CNTNAP2: variants seen among roughly 807,000 people sequenced by gnomAD.
CNTNAP2 encodes contactin associated protein 2.
A neutral mutation model predicts 155.2 loss-of-function variants in CNTNAP2; 98 were observed. The ratio of observed to expected loss-of-function variants is 0.63; its 90% CI spans 0.54 to 0.75. The LOEUF (loss-of-function observed/expected upper bound fraction) is 0.75, where lower values mean the gene tolerates loss of function less well. CNTNAP2 is among the 30% of genes least tolerant of loss of function. The pLI is 0.00. For synonymous variants in CNTNAP2, 651 were observed against 631.2 expected (o/e 1.03, Z -0.47); for missense variants, 1,727 against 1,688.1 (o/e 1.02, Z -0.40).
chr7:146,907,424 G>A (rs374027656), intron 3 of CNTNAP2, among the ~76,000 whole-genome samples: 1 of 147,256 alleles, frequency 6.8e-6, no homozygotes, highest in Non-Finnish European at 1.5e-5. Context: ...CCCTCAAAGG[G>A]AAGCCCATCA....
chr7:146,521,802 C>A (rs1040872581), intron 1 of CNTNAP2, among the ~76,000 whole-genome samples: 1 of 151,838 alleles, frequency 6.6e-6, no homozygotes, highest in Non-Finnish European at 1.5e-5. Context: ...AAGATCTGAA[C>A]CTTGATCATC....
At chr7:147,919,138 A>T (rs1800213706) in intron 14 of CNTNAP2, among the ~76,000 whole-genome samples, 1 of 152,136 alleles carries the variant, frequency 6.6e-6, no homozygotes. Context: ...ACATAAAGGC[A>T]TCCTATAGAG....
chr7:146,554,377 G>A (rs190771561), intron 1 of CNTNAP2, among the ~76,000 whole-genome samples: 172 of 152,198 alleles, frequency 1.1e-3, no homozygotes, highest in African/African-American at 3.9e-3. Context: ...AAAATATTTT[G>A]CTCCATAATA....
At chr7:146,184,347 G>A (rs1798592916) in intron 1 of CNTNAP2, among the ~76,000 whole-genome samples, 1 of 152,032 alleles carries the variant, frequency 6.6e-6, no homozygotes, top group Non-Finnish European at 1.5e-5. Flanking sequence ...GAAATGGCAG[G>A]CAGTCCATGA....
At chr7:147,422,958 CA>C (rs1157349655) in intron 10 of CNTNAP2, among the ~76,000 whole-genome samples, 4 of 152,080 alleles carry the variant, frequency 2.6e-5, no homozygotes, top group Admixed American at 2.6e-4. Context: ...AAAAAAACAA[CA>C]ACAAAATTTT....
At chr7:147,526,431 G>A (rs1195046864) in intron 11 of CNTNAP2, among the ~76,000 whole-genome samples, 1 of 152,036 alleles carries the variant, frequency 6.6e-6, no homozygotes, top group Non-Finnish European at 1.5e-5. Flanking sequence ...AGCCTGTCTG[G>A]AATATAGATA....
chr7:146,756,021 C>G (rs1301857601), intron 1 of CNTNAP2, among the ~76,000 whole-genome samples: 1 of 151,514 alleles, frequency 6.6e-6, no homozygotes, highest in Non-Finnish European at 1.5e-5. Context: ...TTGACATGCA[C>G]TCTTTTTGAG....
chr7:147,426,229 TG>T (rs1329128043), intron 10 of CNTNAP2, among the ~76,000 whole-genome samples: 1 of 152,012 alleles, frequency 6.6e-6, no homozygotes, highest in African/African-American at 2.4e-5. Context: ...AAATCTTATC[TG>T]TAAATATTCA....
At chr7:147,672,733 T>C (rs1428075155) in intron 13 of CNTNAP2, 3 of 152,184 alleles carry the variant, frequency 2.0e-5, no homozygotes, top group Non-Finnish European at 4.4e-5. Context: ...TTTTGTACTG[T>C]GTATTCACTG....
At chr7:146,810,673 T>C (rs1415209164) in intron 2 of CNTNAP2, among the ~76,000 whole-genome samples, 1 of 152,074 alleles carries the variant, frequency 6.6e-6, no homozygotes, top group Non-Finnish European at 1.5e-5. Flanking sequence ...CCATACTAGG[T>C]TGAATAGAAG....
chr7:147,055,794 A>G lies in CNTNAP2; in HGVS notation c.550+11740A>G, dbSNP rs73467054. Among the ~76,000 whole-genome samples, 1,031 of 152,174 alleles carry G rather than the reference A, an allele frequency of 6.8e-3. 12 individuals are homozygous for G. Among genetic ancestry groups the G allele is most frequent in the African/African-American group, 0.023 (975 of 41,502 alleles). ...TAGGGTAGGAGGGAACGGAAGCCCA[A>G]TACTCAAGGAGAAGTGGAATATGCC... On this transcript the variant is annotated intron_variant, in intron 4 of 23. Transcript: ENST00000361727.
intron 13 of CNTNAP2, among the ~76,000 whole-genome samples, chr7:147,820,241 T>G (rs1417018373): frequency 6.6e-6 from 1 of 152,114 alleles, no homozygotes; most frequent in Non-Finnish European, 1.5e-5. Context: ...AATTTGTATT[T>G]CCCTGATGAT....
chr7:146,210,318 A>G (rs956407114), intron 1 of CNTNAP2, among the ~76,000 whole-genome samples: 9 of 152,308 alleles, frequency 5.9e-5, no homozygotes, highest in African/African-American at 2.2e-4. Flanking sequence ...GATGTAGTAC[A>G]CAAAAGCACT....
At chr7:148,038,868 A>T (rs536866676) in intron 15 of CNTNAP2, among the ~76,000 whole-genome samples, 3 of 151,046 alleles carry the variant, frequency 2.0e-5, no homozygotes, top group Non-Finnish European at 4.4e-5. Context: ...GGATGGATGG[A>T]TGGATAGATA....
chr7:146,885,959 GTGTGTGTGTGTGTGTA>G (rs1196710907), intron 3 of CNTNAP2, among the ~76,000 whole-genome samples: 13 of 150,950 alleles, frequency 8.6e-5, no homozygotes, highest in African/African-American at 2.2e-4. Flanking sequence ...GTGTGTGTGT[GTGTGTGTGTGTGTGTA>G]TGTGCTTTCC....
intron 21 of CNTNAP2, among the ~76,000 whole-genome samples, chr7:148,331,663 A>AC (rs1798017515): frequency 1.3e-5 from 2 of 151,810 alleles, no homozygotes; most frequent in Admixed American, 6.5e-5. Context: ...GATGGAGTGG[A>AC]TGGATGGAGT....
chr7:146,682,762 T>G (rs1800526963), intron 1 of CNTNAP2, among the ~76,000 whole-genome samples: 1 of 152,218 alleles, frequency 6.6e-6, no homozygotes, highest in African/African-American at 2.4e-5. Flanking sequence ...TTTGCATTGC[T>G]AAGCAGAAAT....
At chr7:146,345,979 A>C (rs1794813077) in intron 1 of CNTNAP2, among the ~76,000 whole-genome samples, 1 of 152,118 alleles carries the variant, frequency 6.6e-6, no homozygotes, top group Non-Finnish European at 1.5e-5. Context: ...GCTTATTAAG[A>C]CCTCCGCAAA....
chr7:146,907,866 A>C (rs142483173), intron 3 of CNTNAP2, among the ~76,000 whole-genome samples: 35,857 of 152,148 alleles, frequency 0.24, 5,501 homozygotes, highest in Non-Finnish European at 0.33. Flanking sequence ...AAGTTGGATA[A>C]AGAGTCAAGA....
Sources: allele counts gnomAD v4.1 joint callset (sites outside exome capture counted in the v4.1 genomes callset), GRCh38; gene constraint gnomAD v4.1.1; transcripts MANE v1.5; gene names NCBI Gene and HGNC (gene_info 2026-07-23, HGNC 2026-07-21).